The following EFCAB12 variants were observed in gnomAD, a reference collection of about 807,000 sequenced individuals.
EFCAB12 encodes the protein EF-hand calcium binding domain 12.
A neutral mutation model predicts 53.6 loss-of-function variants in EFCAB12; 43 were observed. The ratio of observed to expected loss-of-function variants is 0.80; its 90% CI spans 0.63 to 1.03. The LOEUF is 1.03. Ranked by LOEUF, EFCAB12 falls within the 50% of genes least tolerant of loss-of-function variation. EFCAB12 has a pLI of 0.00. For missense variants in EFCAB12, 646 were observed against 730.6 expected (o/e 0.88, Z 1.34); for synonymous variants, 269 against 289.2 (o/e 0.93, Z 0.71).
chr3:129,426,359 GTTTTTTTTTTTTTT>G (rs71620055), intron 1 of EFCAB12, among the ~76,000 whole-genome samples: 1 of 87,806 alleles, frequency 1.1e-5, no homozygotes, highest in Non-Finnish European at 2.4e-5. Flanking sequence ...GTTTTTTTTT[GTTTTTTTTTTTTTT>G]TTTTTTTTTG....
chr3:129,416,550 A>T (rs1206528208), intron 3 of EFCAB12, among the ~76,000 whole-genome samples: 1 of 152,256 alleles, frequency 6.6e-6, no homozygotes, highest in African/African-American at 2.4e-5. Context: ...TGTTGAGATA[A>T]TTACATGTCA....
intron 1 of EFCAB12, among the ~76,000 whole-genome samples, chr3:129,424,387 T>G (rs1281703766): frequency 6.6e-6 from 1 of 152,192 alleles, no homozygotes; most frequent in Admixed American, 6.5e-5. Context: ...GCTGTTCTCA[T>G]GAGAGCGAGT....
intron 5 of EFCAB12, among the ~76,000 whole-genome samples, chr3:129,409,564 C>CT (rs2072003720): frequency 6.6e-6 from 1 of 152,156 alleles, no homozygotes; most frequent in African/African-American, 2.4e-5. Flanking sequence ...CAGGTAGCTG[C>CT]TTTTGTTGGC....
chr3:129,402,534 C>T lies in EFCAB12; in HGVS notation c.1449G>A (p.Glu483=). 1 of 1,612,884 alleles carries T rather than the reference C, an allele frequency of 6.2e-7. No individual in the cohort carries two copies. The highest frequency in any genetic ancestry group is 8.5e-7 in the Non-Finnish European group (1 of 1,179,384). Residue 483 remains glutamate, a synonymous_variant, in exon 8 of 9, where the codon GAG becomes GAA. Coordinates refer to ENST00000505956, the MANE Select transcript of EFCAB12 (RefSeq NM_207307.3). ...KSKKMRFKEF[E]EFTRKLKVKR... ...TGATTGCCACAGACCTGGTAAATTC[C>T]TCAAACTCCTTAAAGCGCATTTTCT... is the stretch of plus-strand genomic sequence containing the variant.
Position 129,418,271 on chromosome 3 carries a change from T to G in EFCAB12, c.664A>C (p.Ile222Leu), listed in dbSNP as rs371887484. 8 of 1,611,664 alleles carry G rather than the reference T, an allele frequency of 5.0e-6. No homozygotes were observed. The African/African-American group carries it at 9.3e-5, about 19-fold the overall frequency. ...GCACTTACTGCCTTTACAGCCGCGATGAACTCCTCCCTGGTGATTCTCTGG... is the reference window on the plus strand; with the variant it reads ...GCACTTACTGCCTTTACAGCCGCGAGGAACTCCTCCCTGGTGATTCTCTGG... ...ENQRITREEF[I>L]AAVKAVGVPL... The change falls in exon 3 of 9, where the codon ATC becomes CTC. Residue 222 changes from isoleucine (I) to leucine (L), a missense_variant. Transcript: ENST00000505956.
rs767084895 is a variant in EFCAB12 at position 129,404,403 on chromosome 3, G to T, written c.1250C>A (p.Ala417Asp). The change falls in exon 7 of 9, where the codon GCC becomes GAC. Residue 417 changes from alanine to aspartate, a missense_variant and splice_region_variant. Transcript: ENST00000505956. Reference sequence around the variant, plus strand: ...GATCTTGTCTCCTGGGTACAGCAAGGCTGTGGACAGCAAGAGAAACATCTG... The same window carrying T: ...GATCTTGTCTCCTGGGTACAGCAAGTCTGTGGACAGCAAGAGAAACATCTG... Reference protein sequence around the residue: ...LPLTEDILMKALLYPGDKIIF... With the variant: ...LPLTEDILMKDLLYPGDKIIF... 9.9e-6 allele frequency: 16 copies of T among 1,612,134 alleles called. No individual in the cohort carries two copies. The African/African-American group carries it at 1.6e-4, about 16-fold the overall frequency.
Position 129,421,416 on chromosome 3 carries a change from TC to T in EFCAB12, c.436del (p.Glu146SerfsTer80), listed in dbSNP as rs1157714255. On this transcript the variant is annotated frameshift_variant, in exon 2 of 9. Transcript: ENST00000505956. LOFTEE classifies it high-confidence loss of function. Reference protein sequence around the residue: ...EAKVLHMIHEEQSAQPNASQA... With the variant: ...EAKVLHMIHEXQSAQPNASQA... ...GGAGGCATTTGGCTGGGCACTCTGCTCCTCGTGGATCATGTGTAAGACCTTG... is the reference window on the plus strand; with the variant it reads ...GGAGGCATTTGGCTGGGCACTCTGCTCTCGTGGATCATGTGTAAGACCTTG... 1.9e-6 allele frequency: 3 copies of T among 1,613,388 alleles called. No individual in the cohort carries two copies. The highest frequency in any genetic ancestry group is 4.5e-5 in the East Asian group (2 of 44,854).
chr3:129,411,485 G>T (rs930163293), intron 4 of EFCAB12, 131 bp from the exon 5 acceptor site: 64 of 928,260 alleles, frequency 6.9e-5, no homozygotes, highest in Non-Finnish European at 9.5e-5. Flanking sequence ...CACACGTCTG[G>T]GCAGTGCCCA....
chr3:129,406,935 A>C (rs1225550834), intron 6 of EFCAB12, among the ~76,000 whole-genome samples: 1 of 151,120 alleles, frequency 6.6e-6, no homozygotes. Context: ...ATCATAGCTC[A>C]CCACAGCCTT....
intron 1 of EFCAB12, among the ~76,000 whole-genome samples, chr3:129,425,993 C>T (rs2072266060): frequency 6.6e-6 from 1 of 152,220 alleles, no homozygotes; most frequent in African/African-American, 2.4e-5. Context: ...CCATGGATGT[C>T]CCAGAAAACA....
intron 2 of EFCAB12, among the ~76,000 whole-genome samples, chr3:129,420,384 G>C (rs1255391797): frequency 6.6e-6 from 1 of 152,212 alleles, no homozygotes. Flanking sequence ...GGAAGTAGCA[G>C]AGCTATGTTT....
Position 129,421,785 on chromosome 3 carries a change from G to A in EFCAB12, c.68C>T (p.Thr23Ile). The A allele has an allele frequency of 6.2e-7, 1 of 1,612,442 alleles. No homozygotes were observed. Among genetic ancestry groups the A allele is most frequent in the Non-Finnish European group, 8.5e-7 (1 of 1,178,910 alleles). Residue 23 changes from threonine to isoleucine, a missense_variant, in exon 2 of 9, where the codon ACT (threonine) becomes ATT (isoleucine). Thr to Ile is a moderately conservative substitution (Grantham distance 89). Coordinates refer to ENST00000505956, the MANE Select transcript of EFCAB12 (RefSeq NM_207307.3). ...GACGGGAGCATTTTCATTGATGGGA[G>A]TCTTAGACGGGCAGAGTCCTTGGGG... ...LSLLGLCPSK[T>I]PINENAPVFD...
chr3:129,418,435 C>CT lies in EFCAB12; in HGVS notation c.499dup (p.Arg167LysfsTer30). Reference sequence around the variant, plus strand: ...CATCTGGCGGGACAGCCGGGAGAGCCTGGGGGCTTTCTTCTGGAAGAGGTG... The same window carrying CT: ...CATCTGGCGGGACAGCCGGGAGAGCCTTGGGGGCTTTCTTCTGGAAGAGGTG... On this transcript the variant is annotated frameshift_variant, in exon 3 of 9. Transcript: ENST00000505956. LOFTEE classifies it high-confidence loss of function. 6.2e-7 allele frequency: 1 copy of CT among 1,607,714 alleles called. No homozygotes were observed. Among genetic ancestry groups the CT allele is most frequent in the Non-Finnish European group, 8.5e-7 (1 of 1,176,950 alleles).
chr3:129,408,563 G>A, intron 6 of EFCAB12, 82 bp downstream of exon 6: 1 of 1,419,840 alleles, frequency 7.0e-7, no homozygotes, highest in Non-Finnish European at 9.6e-7. Flanking sequence ...ATGGCTGCAT[G>A]GGTGCCCTGG....
rs539933774 is a variant in EFCAB12, at chr3:129,426,655, C to A, written c.49+1785G>T. 6.5e-4 allele frequency among the ~76,000 whole-genome samples: 98 copies of A among 151,370 alleles called. 1 individual carries two copies. Among genetic ancestry groups the A allele is most frequent in the African/African-American group, 2.4e-3 (98 of 41,276 alleles). On this transcript the variant is annotated intron_variant, in intron 1 of 8. Transcript: ENST00000505956. Reference sequence around the variant, plus strand: ...CTAGGATTACAGGCGTGAGCCACGGCGCCCGGCCGGGGATCTTTTTTTATT... The same window carrying A: ...CTAGGATTACAGGCGTGAGCCACGGAGCCCGGCCGGGGATCTTTTTTTATT...
chr3:129,404,672 A>G (rs549551058), intron 6 of EFCAB12, among the ~76,000 whole-genome samples: 7 of 151,970 alleles, frequency 4.6e-5, no homozygotes, highest in Non-Finnish European at 2.9e-5. Context: ...CCTTGGGACA[A>G]TATGGCTCAG....
At chr3:129,412,427 TG>T (rs2072054471) in intron 4 of EFCAB12, 1 of 103,804 alleles carries the variant, frequency 9.6e-6, no homozygotes, top group East Asian at 2.9e-4. Flanking sequence ...TGTAGATGGA[TG>T]GATAGATAGA....
At chr3:129,401,920 G>A in intron 8 of EFCAB12, 69 bp from the exon 9 acceptor site, 1 of 1,548,198 alleles carries the variant, frequency 6.5e-7, no homozygotes, top group Admixed American at 1.9e-5. Flanking sequence ...TCATCGCAGA[G>A]CCCACCAACT....
chr3:129,410,387 G>A (rs115071554), intron 5 of EFCAB12, among the ~76,000 whole-genome samples: 3,445 of 151,070 alleles, frequency 0.023, 107 homozygotes, highest in African/African-American at 0.071. Context: ...TGCGATCTTA[G>A]CTCACTTCAG....
Sources: gnomAD v4.1 joint callset for allele counts (sites outside exome capture counted in the v4.1 genomes callset) on GRCh38, gnomAD v4.1.1 for gene constraint, MANE v1.5 for transcripts, NCBI Gene and HGNC (gene_info 2026-07-23, HGNC 2026-07-21) for gene names.